The following AK9 variants were observed in gnomAD, a reference collection of about 807,000 sequenced individuals.
AK9 encodes the protein adenylate kinase 9.
A neutral mutation model predicts 239.6 loss-of-function variants in AK9; 191 were observed. That is an observed-to-expected ratio of 0.80 (90% CI 0.71 to 0.90). The LOEUF (loss-of-function observed/expected upper bound fraction) is 0.90. Among genes scored for constraint, AK9 ranks in the 40% least tolerant of loss-of-function variants. AK9 has a pLI of 0.00. For missense variants in AK9, 1,995 were observed against 2,214.7 expected, an observed-to-expected ratio of 0.90 and a Z score of 1.99; for synonymous variants, 689 against 721.0, an observed-to-expected ratio of 0.96 and a Z score of 0.71.
intron 33 of AK9, among the ~76,000 whole-genome samples, chr6:109,507,547 G>A (rs1242243593): frequency 6.6e-6 from 1 of 151,858 alleles, no homozygotes; most frequent in Admixed American, 6.6e-5. Flanking sequence ...TAATGAGATT[G>A]TCACTATCAA....
chr6:109,595,850 A>G (rs9487164), intron 17 of AK9, among the ~76,000 whole-genome samples: 88,420 of 151,822 alleles, frequency 0.58, 27,425 homozygotes, highest in East Asian at 0.84. Context: ...AGGGCCTGTC[A>G]TTGGGTAGGG....
At chr6:109,576,065 G>A (rs1204730824) in intron 20 of AK9, among the ~76,000 whole-genome samples, 1 of 152,074 alleles carries the variant, frequency 6.6e-6, no homozygotes, top group Non-Finnish European at 1.5e-5. Context: ...TGCTGTTTTG[G>A]TAACTATATC....
At chr6:109,636,783 C>CACACACACACACACACACA (rs1554278039) in intron 10 of AK9, among the ~76,000 whole-genome samples, 3 of 144,998 alleles carry the variant, frequency 2.1e-5, no homozygotes, top group African/African-American at 7.6e-5. Flanking sequence ...CACACACACA[C>CACACACACACACACACACA]CACATTTTAT....
chr6:109,603,836 T>C (rs1792447157), intron 17 of AK9, among the ~76,000 whole-genome samples: 2 of 152,124 alleles, frequency 1.3e-5, no homozygotes, highest in African/African-American at 4.8e-5. Context: ...GTGCTAGCAA[T>C]GAGTGAGGCT....
chr6:109,572,997 A>T (rs1787618135), intron 21 of AK9, among the ~76,000 whole-genome samples: 1 of 152,200 alleles, frequency 6.6e-6, no homozygotes, highest in South Asian at 2.1e-4. Flanking sequence ...ATTTGCATTT[A>T]AAAATGGCAT....
intron 3 of AK9, among the ~76,000 whole-genome samples, chr6:109,672,521 A>G (rs1010490526): frequency 2.0e-5 from 3 of 151,980 alleles, no homozygotes; most frequent in Non-Finnish European, 4.4e-5. Flanking sequence ...CATTCCTACA[A>G]AAAGTTAAAA....
chr6:109,588,835 C>A (rs1005949892), intron 17 of AK9, among the ~76,000 whole-genome samples: 27 of 152,148 alleles, frequency 1.8e-4, no homozygotes, highest in African/African-American at 6.5e-4. Context: ...AATGGGTGTC[C>A]TTTCCACAGT....
chr6:109,504,625 A>G (rs936390794), intron 35 of AK9, among the ~76,000 whole-genome samples: 1 of 151,912 alleles, frequency 6.6e-6, no homozygotes, highest in Non-Finnish European at 1.5e-5. Context: ...CCTGGTCAAC[A>G]TGGTGAAACC....
chr6:109,619,469 T>A (rs4946993), intron 12 of AK9, among the ~76,000 whole-genome samples: 84,125 of 151,856 alleles, frequency 0.55, 24,894 homozygotes, highest in South Asian at 0.78. Flanking sequence ...TATGTATTTA[T>A]CATGTAGTAT....
intron 20 of AK9, among the ~76,000 whole-genome samples, chr6:109,578,046 C>A (rs908050607): frequency 6.6e-6 from 1 of 151,958 alleles, no homozygotes; most frequent in Non-Finnish European, 1.5e-5. Flanking sequence ...ATTCTCCTGC[C>A]TCAGCCTCCC....
intron 9 of AK9, among the ~76,000 whole-genome samples, chr6:109,643,665 C>T (rs1271706226): frequency 6.6e-6 from 1 of 152,192 alleles, no homozygotes; most frequent in African/African-American, 2.4e-5. Context: ...GGTCCAAACT[C>T]CTTACTATGG....
rs771219033 is a variant in AK9 at position 109,579,579 on chromosome 6, A to G, written c.2162T>C (p.Leu721Pro). 3.9e-6 allele frequency: 6 copies of G among 1,551,426 alleles called. No homozygotes were observed. Among genetic ancestry groups the G allele is most frequent in the Non-Finnish European group, 3.5e-6 (4 of 1,146,852 alleles). ...ELRLEEENRR[L>P]LELMKVKAKE... Reference sequence around the variant, plus strand: ...TGCCTTCACTTTCATAAGTTCCAGTAGCCTTCGATTTTCTTCTTCGAGTCT... The same window carrying G: ...TGCCTTCACTTTCATAAGTTCCAGTGGCCTTCGATTTTCTTCTTCGAGTCT... The change falls in exon 20 of 41, where the codon CTA (leucine) becomes CCA (proline). Residue 721 changes from leucine to proline, a missense_variant. Coordinates refer to ENST00000424296, the MANE Select transcript of AK9 (RefSeq NM_001145128.3).
At chr6:109,610,334 C>G in intron 17 of AK9, 31 bp downstream of exon 17, 1 of 1,545,808 alleles carries the variant, frequency 6.5e-7, no homozygotes, top group Non-Finnish European at 8.7e-7. Flanking sequence ...AGTTAAGTCA[C>G]TGATAAGAAT....
intron 24 of AK9, among the ~76,000 whole-genome samples, chr6:109,559,879 T>G (rs146445590): frequency 1.3e-5 from 2 of 152,198 alleles, no homozygotes; most frequent in Admixed American, 6.5e-5. Context: ...GTGAATTTGT[T>G]GGCAGGGTTA....
chr6:109,544,366 A>G (rs1783260380), intron 26 of AK9, among the ~76,000 whole-genome samples: 1 of 152,066 alleles, frequency 6.6e-6, no homozygotes, highest in South Asian at 2.1e-4. Context: ...TCCCCGCCCA[A>G]ATCTCATGTG....
intron 15 of AK9, among the ~76,000 whole-genome samples, chr6:109,613,275 A>AT (rs1793790922): frequency 6.6e-6 from 1 of 151,928 alleles, no homozygotes; most frequent in Non-Finnish European, 1.5e-5. Flanking sequence ...AAAATATATG[A>AT]AAAATAAGAG....
At chr6:109,500,922 G>A (rs1210355858) in intron 35 of AK9, among the ~76,000 whole-genome samples, 1 of 152,192 alleles carries the variant, frequency 6.6e-6, no homozygotes, top group Admixed American at 6.5e-5. Flanking sequence ...AGAGGCTGAA[G>A]TGGGAGGAAC....
chr6:109,517,382 C>T (rs953012239), intron 29 of AK9, among the ~76,000 whole-genome samples: 2 of 152,140 alleles, frequency 1.3e-5, no homozygotes, highest in Non-Finnish European at 2.9e-5. Context: ...TAAATAAATA[C>T]AGAGACAAAA....
Position 109,564,785 on chromosome 6 carries a change from C to A in AK9, c.2405G>T (p.Gly802Val). ...TTCAGATAATTTTTCAATTTCCAGG[C>A]CCTCTTTGGATCCTTTTGGGATTTC... ...ETEIPKGSKE[G>V]LEIEKLSETV... Residue 802 changes from glycine (G) to valine (V), a missense_variant, in exon 22 of 41, where the codon GGC (glycine) becomes GTC (valine). Transcript: ENST00000424296. 1 of 1,545,852 alleles carries A rather than the reference C, an allele frequency of 6.5e-7. No individual in the cohort carries two copies. The highest frequency in any genetic ancestry group is 2.5e-5 in the East Asian group (1 of 40,558).
Sources: gnomAD v4.1 joint callset for allele counts (sites outside exome capture counted in the v4.1 genomes callset) on GRCh38, gnomAD v4.1.1 for gene constraint, MANE v1.5 for transcripts, NCBI Gene and HGNC (gene_info 2026-07-23, HGNC 2026-07-21) for gene names.